FBXW7: variants seen among roughly 807,000 people sequenced by gnomAD.
FBXW7 encodes the protein F-box/WD repeat-containing protein 7.
In FBXW7, 11 loss-of-function variants were observed where a neutral mutation model predicts 86.3. The observed-to-expected ratio is 0.13, with a 90% CI of 0.08 to 0.21. The LOEUF is 0.21. FBXW7 is among the 10% of genes least tolerant of loss of function. FBXW7 has a pLI of 1.00. For missense variants in FBXW7, 488 were observed against 847.4 expected (o/e 0.58, Z 5.27); for synonymous variants, 313 against 297.9 (o/e 1.05, Z -0.52).
chr4:152,520,018 A>G (rs1377454364), intron 2 of FBXW7, among the ~76,000 whole-genome samples: 1 of 152,246 alleles, frequency 6.6e-6, no homozygotes, highest in Non-Finnish European at 1.5e-5. Flanking sequence ...CCTGACATAC[A>G]GTAAACATTC....
chr4:152,382,801 T>C (rs1735208266), intron 4 of FBXW7, among the ~76,000 whole-genome samples: 1 of 152,190 alleles, frequency 6.6e-6, no homozygotes, highest in South Asian at 2.1e-4. Context: ...TATCCAAATG[T>C]CAGCATTAAT....
At chr4:152,515,384 G>A (rs1748387797) in intron 2 of FBXW7, among the ~76,000 whole-genome samples, 1 of 152,166 alleles carries the variant, frequency 6.6e-6, no homozygotes, top group South Asian at 2.1e-4. Flanking sequence ...GAGGGTGACA[G>A]AAATGTCTTG....
intron 2 of FBXW7, among the ~76,000 whole-genome samples, chr4:152,461,625 G>A (rs1416840598): frequency 1.3e-5 from 2 of 152,132 alleles, no homozygotes; most frequent in South Asian, 2.1e-4. Context: ...TATACTTGGG[G>A]TTAATTTCTA....
At chr4:152,455,810 T>C (rs1579249268) in intron 2 of FBXW7, among the ~76,000 whole-genome samples, 1 of 152,158 alleles carries the variant, frequency 6.6e-6, no homozygotes, top group Non-Finnish European at 1.5e-5. Flanking sequence ...CAGTCATTCA[T>C]CTCTTCTGCC....
chr4:152,408,730 T>C (rs1241321886), intron 4 of FBXW7, among the ~76,000 whole-genome samples: 2 of 152,082 alleles, frequency 1.3e-5, no homozygotes, highest in Admixed American at 6.5e-5. Flanking sequence ...AATTCAACCA[T>C]AGGGGGCAGC....
chr4:152,524,600 A>G (rs976549330), intron 2 of FBXW7, among the ~76,000 whole-genome samples: 1 of 152,164 alleles, frequency 6.6e-6, no homozygotes, highest in Non-Finnish European at 1.5e-5. Context: ...CCACAACCCA[A>G]AGAAATAACA....
rs561077602 is a variant in FBXW7 at position 152,417,731 on chromosome 4, C to A, written c.-119-5202G>T. On this transcript the variant is annotated intron_variant, in intron 2 of 13. Transcript: ENST00000281708. ...GAGGGTGCAGTGGCCACAGTGGTAC[C>A]CTACTCAGATATCCCCTCAACCTAA... Among the ~76,000 whole-genome samples, 4 of 152,118 alleles carry A rather than the reference C, an allele frequency of 2.6e-5. No homozygotes were observed. The East Asian group carries it at 7.7e-4, about 29-fold the overall frequency.
intron 2 of FBXW7, among the ~76,000 whole-genome samples, chr4:152,523,310 A>C (rs1338049928): frequency 6.6e-6 from 1 of 152,238 alleles, no homozygotes; most frequent in African/African-American, 2.4e-5. Context: ...AGACCAAAAA[A>C]AACACATATT....
intron 10 of FBXW7, chr4:152,329,050 T>C (rs1464839448): frequency 6.6e-6 from 1 of 151,918 alleles, no homozygotes; most frequent in Non-Finnish European, 1.5e-5. Flanking sequence ...ATTTTTTAGG[T>C]GGCAATTACT....
intron 4 of FBXW7, among the ~76,000 whole-genome samples, chr4:152,389,501 CACAGAA>C (rs1466435631): frequency 6.6e-6 from 1 of 152,026 alleles, no homozygotes; most frequent in Non-Finnish European, 1.5e-5. Flanking sequence ...AGTGAAACAA[CACAGAA>C]ACAGAAAGTC....
chr4:152,506,986 T>C (rs181562612), intron 2 of FBXW7, among the ~76,000 whole-genome samples: 12 of 152,372 alleles, frequency 7.9e-5, no homozygotes, highest in Admixed American at 6.5e-4. Context: ...ATACCTTGCT[T>C]AGTTAAAATC....
chr4:152,521,680 G>C (rs988505743), intron 2 of FBXW7, among the ~76,000 whole-genome samples: 1 of 152,114 alleles, frequency 6.6e-6, no homozygotes, highest in African/African-American at 2.4e-5. Context: ...GGGTAGATTG[G>C]ATCTGGACTA....
At chr4:152,342,246 T>C (rs573926684) in intron 6 of FBXW7, among the ~76,000 whole-genome samples, 2 of 151,874 alleles carry the variant, frequency 1.3e-5, no homozygotes, top group East Asian at 3.9e-4. Context: ...TAGAGAAGAG[T>C]AGAAGGAGCA....
intron 4 of FBXW7, among the ~76,000 whole-genome samples, chr4:152,406,472 T>C (rs1737434490): frequency 6.6e-6 from 1 of 152,206 alleles, no homozygotes; most frequent in Admixed American, 6.5e-5. Flanking sequence ...ATACAGTTTA[T>C]CACCAACATT....
chr4:152,428,441 T>C (rs1739574555), intron 2 of FBXW7, among the ~76,000 whole-genome samples: 1 of 152,240 alleles, frequency 6.6e-6, no homozygotes, highest in African/African-American at 2.4e-5. Context: ...TTAGCTCACC[T>C]GGAGCCAAGA....
chr4:152,407,244 C>T (rs982602626), intron 4 of FBXW7, among the ~76,000 whole-genome samples: 3 of 152,188 alleles, frequency 2.0e-5, no homozygotes, highest in African/African-American at 7.2e-5. Flanking sequence ...TTTCCATTAT[C>T]CTCCCCACAT....
chr4:152,463,847 A>G (rs552398792), intron 2 of FBXW7, among the ~76,000 whole-genome samples: 2 of 152,316 alleles, frequency 1.3e-5, no homozygotes, highest in East Asian at 1.9e-4. Flanking sequence ...CTTCAACCCA[A>G]TTTATATATA....
chr4:152,514,075 T>C (rs1017450909), intron 2 of FBXW7, among the ~76,000 whole-genome samples: 1 of 152,238 alleles, frequency 6.6e-6, no homozygotes, highest in African/African-American at 2.4e-5. Context: ...TTGGGATATA[T>C]TGTGTTAAAT....
At chr4:152,484,403 C>G (rs1475692403) in intron 2 of FBXW7, among the ~76,000 whole-genome samples, 2 of 152,032 alleles carry the variant, frequency 1.3e-5, no homozygotes, top group Non-Finnish European at 2.9e-5. Flanking sequence ...TTCAAATGCA[C>G]AGTATCTACT....
Sources: gnomAD v4.1 joint callset for allele counts (sites outside exome capture counted in the v4.1 genomes callset) on GRCh38, gnomAD v4.1.1 for gene constraint, MANE v1.5 for transcripts, NCBI Gene and HGNC (gene_info 2026-07-23, HGNC 2026-07-21) for gene names.